Variants in STARD13 observed in about 807,000 individuals in gnomAD.
STARD13 encodes stAR-related lipid transfer protein 13.
A neutral mutation model predicts 106.4 loss-of-function variants in STARD13; 62 were observed. The observed-to-expected ratio is 0.58, with a 90% CI of 0.48 to 0.72. The LOEUF is 0.72. Ranked by LOEUF, STARD13 falls within the 30% of genes least tolerant of loss-of-function variation. The pLI, the probability that STARD13 is intolerant of heterozygous loss-of-function variation, is 0.00. For missense variants in STARD13, 1,387 were observed against 1,424.0 expected (o/e 0.97, Z 0.42); for synonymous variants, 565 against 553.0 (o/e 1.02, Z -0.31).
At chr13:33,171,696 G>A (rs952571756) in intron 1 of STARD13, among the ~76,000 whole-genome samples, 2 of 152,220 alleles carry the variant, frequency 1.3e-5, no homozygotes. Context: ...AAATCAACTG[G>A]TTGAAAAGGG....
chr13:33,665,828 T>C, the STARD13 span, among the ~76,000 whole-genome samples: 1 of 152,024 alleles, frequency 6.6e-6, no homozygotes, highest in Non-Finnish European at 1.5e-5. Flanking sequence ...CTCCAAGCTC[T>C]GACTCTCTCC....
intron 3 of STARD13, among the ~76,000 whole-genome samples, chr13:33,150,743 G>A (rs1593975616): frequency 6.6e-6 from 1 of 152,202 alleles, no homozygotes; most frequent in African/African-American, 2.4e-5. Context: ...TAATGATACT[G>A]CTGCCACAAC....
At chr13:33,436,223 G>T in the STARD13 span, among the ~76,000 whole-genome samples, 4 of 152,166 alleles carry the variant, frequency 2.6e-5, no homozygotes, top group African/African-American at 9.7e-5. Flanking sequence ...CTTCAGATGT[G>T]ATTTTATTTT....
At chr13:33,548,862 A>G in the STARD13 span, among the ~76,000 whole-genome samples, 6 of 152,270 alleles carry the variant, frequency 3.9e-5, no homozygotes, top group East Asian at 5.8e-4. Context: ...ACATGCATCA[A>G]AATAATTTCT....
the STARD13 span, among the ~76,000 whole-genome samples, chr13:33,613,277 G>T: frequency 2.0e-5 from 3 of 152,210 alleles, no homozygotes; most frequent in African/African-American, 7.2e-5. Context: ...CTCAGAAAGG[G>T]TGAGTCTAAG....
At chr13:33,181,710 T>G (rs1392455808) in intron 1 of STARD13, among the ~76,000 whole-genome samples, 1 of 152,216 alleles carries the variant, frequency 6.6e-6, no homozygotes, top group East Asian at 1.9e-4. Context: ...ACATGGCTAT[T>G]CGTGGGCAGC....
chr13:33,375,877 G>C, the STARD13 span, among the ~76,000 whole-genome samples: 5 of 152,044 alleles, frequency 3.3e-5, no homozygotes, highest in African/African-American at 1.2e-4. Flanking sequence ...TGGTTTGGCT[G>C]ATTAAGTAAT....
chr13:33,444,575 G>A, the STARD13 span, among the ~76,000 whole-genome samples: 8 of 152,110 alleles, frequency 5.3e-5, no homozygotes, highest in Non-Finnish European at 8.8e-5. Context: ...AGATCAGCCT[G>A]GGAAACATGA....
At chr13:33,122,857 C>T (rs967653412) in intron 7 of STARD13, among the ~76,000 whole-genome samples, 3 of 151,916 alleles carry the variant, frequency 2.0e-5, no homozygotes, top group Admixed American at 6.6e-5. Context: ...GAGTTCGAGA[C>T]CAGCCTGGCC....
chr13:33,649,167 T>A, the STARD13 span, among the ~76,000 whole-genome samples: 1 of 152,222 alleles, frequency 6.6e-6, no homozygotes, highest in South Asian at 2.1e-4. Context: ...AGAGTCCAGA[T>A]AATTAGCAAA....
chr13:33,328,385 G>A (rs893606423), intron 1 of STARD13, among the ~76,000 whole-genome samples: 1 of 152,236 alleles, frequency 6.6e-6, no homozygotes, highest in Non-Finnish European at 1.5e-5. Flanking sequence ...TATGTTAATA[G>A]TACTAACCCT....
At chr13:33,614,406 C>T in the STARD13 span, among the ~76,000 whole-genome samples, 1 of 151,420 alleles carries the variant, frequency 6.6e-6, no homozygotes, top group African/African-American at 2.4e-5. Context: ...TAACTGGTCC[C>T]TTTGAGACCA....
the STARD13 span, among the ~76,000 whole-genome samples, chr13:33,460,199 A>G: frequency 2.0e-5 from 3 of 152,052 alleles, no homozygotes; most frequent in African/African-American, 7.2e-5. Flanking sequence ...GGTAAAAAGA[A>G]AGATTGGGCC....
chr13:33,300,474 T>A (rs1025529977), intron 1 of STARD13, among the ~76,000 whole-genome samples: 7 of 152,218 alleles, frequency 4.6e-5, no homozygotes, highest in Admixed American at 4.6e-4. Flanking sequence ...AATCGCCAAC[T>A]TCGTATGAAT....
intron 1 of STARD13, among the ~76,000 whole-genome samples, chr13:33,208,161 G>A (rs917498124): frequency 6.6e-6 from 1 of 152,180 alleles, no homozygotes; most frequent in Non-Finnish European, 1.5e-5. Context: ...AGCTCTCTCT[G>A]GCACAGGTGG....
the STARD13 span, among the ~76,000 whole-genome samples, chr13:33,455,530 C>A: frequency 3.9e-5 from 6 of 152,076 alleles, no homozygotes; most frequent in Non-Finnish European, 5.9e-5. Flanking sequence ...AATCAAACTG[C>A]CTTCTAGAAC....
chr13:33,429,424 G>A, the STARD13 span, among the ~76,000 whole-genome samples: 2 of 152,042 alleles, frequency 1.3e-5, no homozygotes, highest in African/African-American at 2.4e-5. Context: ...GTGAAACCCC[G>A]GTTCTACTAA....
intron 1 of STARD13, among the ~76,000 whole-genome samples, chr13:33,293,156 G>T (rs547537070): frequency 5.3e-4 from 80 of 152,182 alleles, no homozygotes; most frequent in Admixed American, 2.6e-3. Flanking sequence ...TCCCCTTATT[G>T]GTTCCTATAG....
At chr13:33,668,812 T>C in the STARD13 span, among the ~76,000 whole-genome samples, 1 of 152,174 alleles carries the variant, frequency 6.6e-6, no homozygotes, top group African/African-American at 2.4e-5. Context: ...CTATTTTACA[T>C]TGGTGTTTGC....
Sources: gnomAD v4.1 joint callset for allele counts (sites outside exome capture counted in the v4.1 genomes callset) on GRCh38, gnomAD v4.1.1 for gene constraint, MANE v1.5 for transcripts, NCBI Gene and HGNC (gene_info 2026-07-23, HGNC 2026-07-21) for gene names.